The following WWOX variants were observed in gnomAD, a reference collection of about 807,000 sequenced individuals.
WWOX encodes the protein WW domain-containing oxidoreductase.
WWOX carries 69 observed loss-of-function variants against 46.2 expected under a neutral mutation model. The ratio of observed to expected loss-of-function variants is 1.49; its 90% CI spans 1.23 to 1.82. The LOEUF is 1.82. Among genes scored for constraint, WWOX ranks in the 40% most tolerant of loss-of-function variants. WWOX has a pLI of 0.00. For synonymous variants in WWOX, 359 were observed against 202.6 expected (o/e 1.77, Z -6.56); for missense variants, 919 against 542.6 (o/e 1.69, Z -6.89).
At chr16:78,596,639 C>T (rs563880715) in intron 8 of WWOX, among the ~76,000 whole-genome samples, 1 of 152,108 alleles carries the variant, frequency 6.6e-6, no homozygotes, top group Non-Finnish European at 1.5e-5. Context: ...TTTCAAGGTC[C>T]ATTTGTGGGG....
chr16:78,948,486 C>T (rs186088148), intron 8 of WWOX, among the ~76,000 whole-genome samples: 2 of 152,106 alleles, frequency 1.3e-5, no homozygotes, highest in African/African-American at 2.4e-5. Context: ...CTTTTGAGAA[C>T]CTCCCGTTTC....
intron 8 of WWOX, among the ~76,000 whole-genome samples, chr16:78,488,492 T>G (rs140338473): frequency 6.6e-6 from 1 of 152,160 alleles, no homozygotes; most frequent in Admixed American, 6.5e-5. Context: ...GATAAGACTT[T>G]CTGATTTTTC....
rs190018028 is a variant in WWOX at position 78,197,303 on chromosome 16, G to T, written c.516+33014G>T. ...TCCCATATACCACAGTTTCTAATACGATATTATACCAAGCTTTAATATGAG... is the reference window on the plus strand; with the variant it reads ...TCCCATATACCACAGTTTCTAATACTATATTATACCAAGCTTTAATATGAG... On this transcript the variant is annotated intron_variant, in intron 5 of 8. Coordinates refer to ENST00000566780, the MANE Select transcript of WWOX (RefSeq NM_016373.4). Among the ~76,000 whole-genome samples, 28 of 152,270 alleles carry T rather than the reference G, an allele frequency of 1.8e-4. 1 individual carries two copies. Among genetic ancestry groups the T allele is most frequent in the Admixed American group, 1.8e-3 (28 of 15,292 alleles).
At chr16:78,697,391 A>G (rs2048123288) in intron 8 of WWOX, among the ~76,000 whole-genome samples, 5 of 152,206 alleles carry the variant, frequency 3.3e-5, no homozygotes, top group South Asian at 4.1e-4. Flanking sequence ...AAATGCAACA[A>G]AAACAAATAG....
chr16:78,795,657 T>G lies in WWOX; in HGVS notation c.1056+362905T>G, dbSNP rs191910403. On this transcript the variant is annotated intron_variant, in intron 8 of 8. Transcript: ENST00000566780. ...TATAATTCTGGCTTTTGAATTTTTATTTTTTTATTAACATACACAGTCAGC... is the reference window on the plus strand; with the variant it reads ...TATAATTCTGGCTTTTGAATTTTTAGTTTTTTATTAACATACACAGTCAGC... Among the ~76,000 whole-genome samples the G allele has an allele frequency of 1.2e-4, 19 of 152,318 alleles. No individual in the cohort carries two copies. The East Asian group carries it at 3.5e-3, about 28-fold the overall frequency.
At chr16:79,045,073 C>G (rs903027270) in intron 8 of WWOX, among the ~76,000 whole-genome samples, 1 of 152,242 alleles carries the variant, frequency 6.6e-6, no homozygotes, top group African/African-American at 2.4e-5. Context: ...TCCTGTCAAT[C>G]TCTCCAAATG....
At chr16:78,755,589 C>T (rs1024861318) in intron 8 of WWOX, among the ~76,000 whole-genome samples, 3 of 152,184 alleles carry the variant, frequency 2.0e-5, no homozygotes, top group Non-Finnish European at 4.4e-5. Context: ...CGAAGCCTCT[C>T]AGTGCCACAC....
At chr16:78,814,512 C>A (rs915028395) in intron 8 of WWOX, among the ~76,000 whole-genome samples, 1 of 151,848 alleles carries the variant, frequency 6.6e-6, no homozygotes. Context: ...AGAATGTTGG[C>A]TTTTCATATA....
chr16:79,102,371 TCTC>T (rs1279998632), intron 8 of WWOX, among the ~76,000 whole-genome samples: 15 of 152,150 alleles, frequency 9.9e-5, no homozygotes. Context: ...GCATGCAACA[TCTC>T]CTTCCATTTG....
chr16:78,100,915 CTTTT>C (rs1258416176), intron 1 of WWOX, among the ~76,000 whole-genome samples: 1 of 151,992 alleles, frequency 6.6e-6, no homozygotes, highest in Non-Finnish European at 1.5e-5. Flanking sequence ...TTGGGAGTCT[CTTTT>C]TTTAAGCTTT....
chr16:78,688,892 G>C (rs1041325873), intron 8 of WWOX, among the ~76,000 whole-genome samples: 2 of 152,122 alleles, frequency 1.3e-5, no homozygotes, highest in African/African-American at 2.4e-5. Flanking sequence ...GTTCTCACAA[G>C]ATTTGATGGT....
At chr16:78,324,848 T>C (rs28480016) in intron 5 of WWOX, among the ~76,000 whole-genome samples, 16,883 of 152,106 alleles carry the variant, frequency 0.11, 990 homozygotes, top group East Asian at 0.14. Flanking sequence ...CAATTGTCTG[T>C]GTTGGTTGCA....
chr16:79,042,019 A>G (rs892966389), intron 8 of WWOX, among the ~76,000 whole-genome samples: 1 of 152,124 alleles, frequency 6.6e-6, no homozygotes. Context: ...TATACCTTCT[A>G]TCCTACTCTT....
At chr16:78,605,930 C>A (rs898435408) in intron 8 of WWOX, among the ~76,000 whole-genome samples, 1 of 152,192 alleles carries the variant, frequency 6.6e-6, no homozygotes, top group African/African-American at 2.4e-5. Context: ...GAAGCTGAAA[C>A]ATGCGCATTT....
chr16:79,088,332 A>G (rs543806974), intron 8 of WWOX, among the ~76,000 whole-genome samples: 95 of 152,308 alleles, frequency 6.2e-4, no homozygotes, highest in Admixed American at 8.5e-4. Context: ...ACAGCCATGC[A>G]AAATCCATGT....
intron 8 of WWOX, among the ~76,000 whole-genome samples, chr16:78,914,687 G>A (rs1427790417): frequency 6.6e-6 from 1 of 151,654 alleles, no homozygotes; most frequent in East Asian, 1.9e-4. Context: ...AGACTATCCT[G>A]GCTAACACGG....
intron 8 of WWOX, among the ~76,000 whole-genome samples, chr16:79,050,576 C>T (rs1320302952): frequency 2.0e-5 from 3 of 152,098 alleles, no homozygotes; most frequent in Non-Finnish European, 2.9e-5. Context: ...GGGCATGGAT[C>T]CAGAGAGGAG....
Position 79,177,538 on chromosome 16 carries a change from T to C in WWOX, c.1057-34070T>C, listed in dbSNP as rs540595801. The stretch of plus-strand genomic sequence containing the variant: ...CCCTCTCCTTCCAGCTTTCAATAAT[T>C]CTCTTGTCTCTAATCAATTCACCGG... On this transcript the variant is annotated intron_variant, in intron 8 of 8. Coordinates refer to ENST00000566780, the MANE Select transcript of WWOX (RefSeq NM_016373.4). Among the ~76,000 whole-genome samples, 11 of 152,194 alleles carry C rather than the reference T, an allele frequency of 7.2e-5. No individual in the cohort carries two copies. The South Asian group carries it at 2.3e-3, about 32-fold the overall frequency.
intron 5 of WWOX, among the ~76,000 whole-genome samples, chr16:78,326,750 T>C (rs368828507): frequency 9.9e-5 from 15 of 152,242 alleles, no homozygotes; most frequent in African/African-American, 2.9e-4. Flanking sequence ...CTTAATTGTT[T>C]CATTTAGACA....
Sources: allele counts gnomAD v4.1 joint callset (sites outside exome capture counted in the v4.1 genomes callset), GRCh38; gene constraint gnomAD v4.1.1; transcripts MANE v1.5; gene names NCBI Gene and HGNC (gene_info 2026-07-23, HGNC 2026-07-21).